The following HECW2 variants were observed in gnomAD, a reference collection of about 807,000 sequenced individuals.
HECW2 encodes E3 ubiquitin-protein ligase HECW2.
Under a neutral mutation model 175.2 loss-of-function variants are expected in HECW2, and 61 were observed. The observed-to-expected ratio is 0.35, with a 90% CI of 0.28 to 0.43. The LOEUF is 0.43. HECW2 is among the 20% of genes least tolerant of loss of function. The pLI, the probability that HECW2 is intolerant of heterozygous loss-of-function variation, is 1.00. For missense variants in HECW2, 1,524 were observed against 2,000.5 expected (o/e 0.76, Z 4.54); for synonymous variants, 671 against 731.0 (o/e 0.92, Z 1.32).
chr2:196,590,466 C>G (rs997794396), intron 1 of HECW2, among the ~76,000 whole-genome samples: 1 of 152,124 alleles, frequency 6.6e-6, no homozygotes, highest in Non-Finnish European at 1.5e-5. Context: ...AAACTGGTTC[C>G]AGTTTTTCCC....
At chr2:196,429,178 A>G (rs1695633213) in intron 2 of HECW2, among the ~76,000 whole-genome samples, 1 of 152,202 alleles carries the variant, frequency 6.6e-6, no homozygotes, top group South Asian at 2.1e-4. Context: ...ACCGAGTCAC[A>G]TGTCTACTTC....
chr2:196,284,404 A>G (rs866343105), intron 14 of HECW2, among the ~76,000 whole-genome samples: 10 of 152,314 alleles, frequency 6.6e-5, no homozygotes, highest in Non-Finnish European at 1.0e-4. Flanking sequence ...AAAAGTCTCA[A>G]TTAAGACCTC....
Position 196,345,637 on chromosome 2 carries a change from G to GA in HECW2, c.293-1874dup, listed in dbSNP as rs918946143. On this transcript the variant is annotated intron_variant, in intron 2 of 28. Transcript: ENST00000644978. The stretch of plus-strand genomic sequence containing the variant: ...TGCCTTCAGGCTTCTTGCTACCTAG[G>GA]AAAAAAAAATCCCATTTGGTTAAGC... Among the ~76,000 whole-genome samples, 97 of 151,146 alleles carry GA rather than the reference G, an allele frequency of 6.4e-4. 1 individual carries two copies. Among genetic ancestry groups the GA allele is most frequent in the African/African-American group, 2.0e-3 (84 of 41,250 alleles).
chr2:196,427,285 C>T (rs1362585480), intron 2 of HECW2, among the ~76,000 whole-genome samples: 1 of 149,340 alleles, frequency 6.7e-6, no homozygotes, highest in Non-Finnish European at 1.5e-5. Flanking sequence ...GCATAGTATA[C>T]ACTTTTACAT....
At chr2:196,483,535 C>G (rs562767506) in intron 1 of HECW2, among the ~76,000 whole-genome samples, 57 of 152,270 alleles carry the variant, frequency 3.7e-4, no homozygotes, top group Non-Finnish European at 6.5e-4. Flanking sequence ...CCGATAGTAC[C>G]TTGGAGTTAC....
chr2:196,301,087 C>A (rs546234351), intron 13 of HECW2, among the ~76,000 whole-genome samples: 2 of 152,250 alleles, frequency 1.3e-5, no homozygotes, highest in Non-Finnish European at 2.9e-5. Flanking sequence ...TCCATGGGTT[C>A]TCATCATTCA....
chr2:196,286,760 G>C (rs1559012033), intron 14 of HECW2, among the ~76,000 whole-genome samples: 1 of 152,212 alleles, frequency 6.6e-6, no homozygotes, highest in Non-Finnish European at 1.5e-5. Flanking sequence ...CCCACCACAA[G>C]AGGTATCAGT....
chr2:196,266,170 A>T (rs985776341), intron 17 of HECW2, among the ~76,000 whole-genome samples: 1 of 12,242 alleles, frequency 8.2e-5, no homozygotes, highest in Non-Finnish European at 2.0e-4. Context: ...ATCTCTATTA[A>T]AAAAAAAAAA....
At chr2:196,363,200 A>C (rs1376959766) in intron 2 of HECW2, among the ~76,000 whole-genome samples, 1 of 152,142 alleles carries the variant, frequency 6.6e-6, no homozygotes, top group South Asian at 2.1e-4. Context: ...CCAGTGTCCT[A>C]GCAAACAACA....
At chr2:196,479,779 G>A (rs1281309820) in intron 1 of HECW2, among the ~76,000 whole-genome samples, 1 of 151,988 alleles carries the variant, frequency 6.6e-6, no homozygotes, top group Non-Finnish European at 1.5e-5. Flanking sequence ...CTTCCTACCA[G>A]CCCCAATTTT....
chr2:196,254,076 G>T, intron 18 of HECW2, 47 bp from the exon 19 acceptor site: 1 of 1,606,770 alleles, frequency 6.2e-7, no homozygotes, highest in Non-Finnish European at 8.5e-7. Flanking sequence ...CAAAGTAGTG[G>T]GGAAAAGCCT....
At chr2:196,471,312 T>A (rs1334673182) in intron 1 of HECW2, among the ~76,000 whole-genome samples, 2 of 152,116 alleles carry the variant, frequency 1.3e-5, no homozygotes, top group African/African-American at 4.8e-5. Context: ...GAAATCAAAA[T>A]TAACCGATGC....
At chr2:196,316,318 G>C (rs927622976) in intron 10 of HECW2, 5 of 152,138 alleles carry the variant, frequency 3.3e-5, no homozygotes, top group Non-Finnish European at 7.3e-5. Context: ...CTACTTGCCA[G>C]ACTAATCACT....
chr2:196,440,715 G>A (rs892377603), intron 1 of HECW2, among the ~76,000 whole-genome samples: 2 of 152,058 alleles, frequency 1.3e-5, no homozygotes, highest in African/African-American at 4.8e-5. Flanking sequence ...AATTATCCAC[G>A]TTCTTTTGAA....
chr2:196,396,291 G>A (rs1264637252), intron 2 of HECW2, among the ~76,000 whole-genome samples: 1 of 152,126 alleles, frequency 6.6e-6, no homozygotes, highest in Admixed American at 6.5e-5. Context: ...TAGCACAAAA[G>A]TAATTGAGAA....
intron 2 of HECW2, among the ~76,000 whole-genome samples, chr2:196,430,702 G>A (rs1286976254): frequency 6.6e-6 from 1 of 152,180 alleles, no homozygotes; most frequent in African/African-American, 2.4e-5. Context: ...GGCAAAGTTA[G>A]TGAACTTGAA....
chr2:196,444,121 G>A (rs1273813787), intron 1 of HECW2, among the ~76,000 whole-genome samples: 2 of 152,162 alleles, frequency 1.3e-5, no homozygotes, highest in South Asian at 2.1e-4. Context: ...TGAAAGATAC[G>A]AAACTTTTAC....
At chr2:196,349,837 G>T (rs1693107111) in intron 2 of HECW2, among the ~76,000 whole-genome samples, 1 of 152,130 alleles carries the variant, frequency 6.6e-6, no homozygotes. Context: ...CTCAGAGCTT[G>T]TTAATGAGGT....
chr2:196,591,549 A>G (rs1274533145), intron 1 of HECW2, among the ~76,000 whole-genome samples: 1 of 152,244 alleles, frequency 6.6e-6, no homozygotes, highest in Non-Finnish European at 1.5e-5. Context: ...AATGTTCAAC[A>G]AAAAGAAAAA....
Sources: allele counts gnomAD v4.1 joint callset (sites outside exome capture counted in the v4.1 genomes callset), GRCh38; gene constraint gnomAD v4.1.1; transcripts MANE v1.5; gene names NCBI Gene and HGNC (gene_info 2026-07-23, HGNC 2026-07-21).